MLLT10: variants seen among roughly 807,000 people sequenced by gnomAD.
MLLT10 encodes protein AF-10.
Under a neutral mutation model 129.1 loss-of-function variants are expected in MLLT10, and 30 were observed. That is an observed-to-expected ratio of 0.23 (90% CI 0.17 to 0.32). The LOEUF (loss-of-function observed/expected upper bound fraction) is 0.32. MLLT10 is among the 10% of genes least tolerant of loss of function. MLLT10 has a pLI of 1.00. For synonymous variants in MLLT10, 490 were observed against 446.4 expected (o/e 1.10, Z -1.23); for missense variants, 1,119 against 1,268.3 (o/e 0.88, Z 1.79).
chr10:21,556,008 C>T lies in MLLT10; in HGVS notation c.240+17096C>T, dbSNP rs540964601. Among the ~76,000 whole-genome samples the T allele has an allele frequency of 2.1e-4, 32 of 149,534 alleles. No homozygotes were observed. The South Asian group carries it at 6.0e-3, about 28-fold the overall frequency. On this transcript the variant is annotated intron_variant, in intron 3 of 22. Transcript: ENST00000307729. ...TTTTTTTTTTGGACACGGAGTCTCG[C>T]TCTGTTGCCTAGGCCAGAGTGCAAT...
At chr10:21,591,747 G>T (rs1176319967) in intron 4 of MLLT10, among the ~76,000 whole-genome samples, 1 of 150,372 alleles carries the variant, frequency 6.7e-6, no homozygotes, top group Non-Finnish European at 1.5e-5. Flanking sequence ...TTTTTGAAAT[G>T]GAGTCTCGGT....
chr10:21,557,043 C>T (rs759737410), intron 3 of MLLT10: 1 of 1,419,482 alleles, frequency 7.0e-7, no homozygotes, highest in Non-Finnish European at 9.2e-7. Context: ...ATCCTGTTTA[C>T]TTGATTTTTT....
chr10:21,734,434 A>G (rs2058198930), intron 20 of MLLT10, among the ~76,000 whole-genome samples: 1 of 152,188 alleles, frequency 6.6e-6, no homozygotes, highest in Non-Finnish European at 1.5e-5. Context: ...CTGAAGAAAG[A>G]TATCGTAGTG....
chr10:21,698,871 T>C (rs927165135), intron 13 of MLLT10, among the ~76,000 whole-genome samples: 13 of 152,132 alleles, frequency 8.5e-5, no homozygotes, highest in Admixed American at 2.6e-4. Context: ...TTCTATGTTT[T>C]TGTTTTGTTT....
intron 5 of MLLT10, among the ~76,000 whole-genome samples, chr10:21,599,051 C>T (rs2043270625): frequency 6.6e-6 from 1 of 151,894 alleles, no homozygotes; most frequent in Non-Finnish European, 1.5e-5. Context: ...TAGTAGCAGG[C>T]GCCTGTAATC....
chr10:21,614,599 G>T (rs1393501156), intron 6 of MLLT10, among the ~76,000 whole-genome samples: 1 of 152,160 alleles, frequency 6.6e-6, no homozygotes, highest in Non-Finnish European at 1.5e-5. Context: ...AATATGAGAT[G>T]TGTGAAGAGT....
At chr10:21,539,020 A>C in intron 3 of MLLT10, 108 bp downstream of exon 3, 1 of 698,584 alleles carries the variant, frequency 1.4e-6, no homozygotes, top group Non-Finnish European at 2.4e-6. Context: ...TTCAAATATC[A>C]TAATGTAAGA....
chr10:21,648,482 A>T (rs2048724840), intron 8 of MLLT10, among the ~76,000 whole-genome samples: 1 of 152,136 alleles, frequency 6.6e-6, no homozygotes, highest in Non-Finnish European at 1.5e-5. Context: ...GTTATTCAGG[A>T]TCATTCACCA....
Position 21,673,885 on chromosome 10 carries a change from G to C in MLLT10, c.1587G>C (p.Gln529His). The C allele has an allele frequency of 6.2e-7, 1 of 1,610,066 alleles. No individual in the cohort carries two copies. Residue 529 changes from glutamine to histidine, a missense_variant, in exon 11 of 23, where the codon CAG becomes CAC. Gln to His is a conservative substitution (Grantham distance 24). Transcript: ENST00000307729. ...CATTGCTCAGGAATGGAAGTTTACA[G>C]AGCCTCAGTGTTGGCTCATCTCCAG... ...SPTLLRNGSLQSLSVGSSPVG... is the reference protein window; with the variant it reads ...SPTLLRNGSLHSLSVGSSPVG...
chr10:21,620,190 A>G (rs866951020), intron 8 of MLLT10, among the ~76,000 whole-genome samples: 1 of 152,088 alleles, frequency 6.6e-6, no homozygotes, highest in African/African-American at 2.4e-5. Context: ...GGCCTCCCAA[A>G]GTGCTGGGAT....
rs757104853 is a variant in MLLT10, at chr10:21,534,777, C to T, written c.133C>T (p.His45Tyr). ...GAACCCGCTGGTTTATTGCGACGGGCACGGCTGCAGCGTCGCGGTGCATCA... is the reference window on the plus strand; with the variant it reads ...GAACCCGCTGGTTTATTGCGACGGGTACGGCTGCAGCGTCGCGGTGCATCA... ...AENPLVYCDG[H>Y]GCSVAVHQAC... The change falls in exon 2 of 23, where the codon CAC becomes TAC. Residue 45 changes from histidine to tyrosine, a missense_variant. Coordinates refer to ENST00000307729, the MANE Select transcript of MLLT10 (RefSeq NM_001195626.3). The T allele has an allele frequency of 1.2e-6, 2 of 1,611,642 alleles. No homozygotes were observed. Among genetic ancestry groups the T allele is most frequent in the Non-Finnish European group, 8.5e-7 (1 of 1,178,706 alleles).
chr10:21,556,600 G>A (rs1357255290), intron 3 of MLLT10: 19 of 1,502,212 alleles, frequency 1.3e-5, no homozygotes, highest in East Asian at 2.3e-5. Flanking sequence ...CCAGTTACGC[G>A]TTAGTATGTA....
chr10:21,665,403 C>G (rs897546729), intron 9 of MLLT10, among the ~76,000 whole-genome samples: 5 of 151,676 alleles, frequency 3.3e-5, no homozygotes, highest in Admixed American at 2.6e-4. Flanking sequence ...ATTCTCCTGC[C>G]TCAGCCTCCT....
rs58949058 is a variant in MLLT10, at chr10:21,695,950, GTT to G, written c.1699+13711_1699+13712del. On this transcript the variant is annotated intron_variant, in intron 13 of 22. Transcript: ENST00000307729. ...GTTTTTGGGTGATTTTTGTGTGTGG[GTT>G]TTTTTTTTTTTTTTTTTAAGTGGTC... Among the ~76,000 whole-genome samples the G allele has an allele frequency of 2.7e-4, 35 of 131,474 alleles. No homozygotes were observed. In the East Asian group the frequency reaches 3.9e-3, roughly 15 times the overall value. 86.3% of individuals were successfully genotyped at this position (131,474 alleles called of 152,430 possible).
intron 13 of MLLT10, among the ~76,000 whole-genome samples, chr10:21,698,774 A>G (rs1014965159): frequency 1.2e-4 from 18 of 152,208 alleles, no homozygotes; most frequent in Non-Finnish European, 1.8e-4. Flanking sequence ...TTCTAACTGG[A>G]GTAATAGGAT....
chr10:21,572,291 A>G (rs1263139957), intron 3 of MLLT10, among the ~76,000 whole-genome samples: 2 of 152,120 alleles, frequency 1.3e-5, no homozygotes, highest in Non-Finnish European at 2.9e-5. Context: ...TAATTTTGTA[A>G]CTTTATATTG....
intron 9 of MLLT10, among the ~76,000 whole-genome samples, chr10:21,665,311 G>T (rs914682110): frequency 3.1e-5 from 4 of 130,300 alleles, no homozygotes; most frequent in African/African-American, 5.8e-5. Context: ...TGGGGGGGGG[G>T]GGGTTTCACT....
At chr10:21,588,737 T>A (rs922261832) in intron 4 of MLLT10, among the ~76,000 whole-genome samples, 1 of 152,138 alleles carries the variant, frequency 6.6e-6, no homozygotes, top group Non-Finnish European at 1.5e-5. Flanking sequence ...CTCTTAATAT[T>A]AGTGAGGTTC....
chr10:21,680,564 G>A (rs1411426188), intron 11 of MLLT10, among the ~76,000 whole-genome samples: 1 of 152,068 alleles, frequency 6.6e-6, no homozygotes, highest in African/African-American at 2.4e-5. Flanking sequence ...GTTTTATGCT[G>A]CTATATAAGT....
Sources: allele counts gnomAD v4.1 joint callset (sites outside exome capture counted in the v4.1 genomes callset), GRCh38; gene constraint gnomAD v4.1.1; transcripts MANE v1.5; gene names NCBI Gene and HGNC (gene_info 2026-07-23, HGNC 2026-07-21).